Variants in NCOA3 observed in about 807,000 individuals in gnomAD.
NCOA3 encodes the protein CBP-interacting protein.
A neutral mutation model predicts 158.8 loss-of-function variants in NCOA3; 51 were observed. That is an observed-to-expected ratio of 0.32 (90% CI 0.26 to 0.41). The LOEUF is 0.41. NCOA3 is among the 10% of genes least tolerant of loss of function. The pLI is 1.00. For missense variants in NCOA3, 1,510 were observed against 1,746.6 expected, an observed-to-expected ratio of 0.86 and a Z score of 2.41; for synonymous variants, 537 against 592.4, an observed-to-expected ratio of 0.91 and a Z score of 1.36.
chr20:47,621,006 T>A (rs1402199129), intron 2 of NCOA3, among the ~76,000 whole-genome samples: 2 of 152,238 alleles, frequency 1.3e-5, no homozygotes, highest in Non-Finnish European at 2.9e-5. Flanking sequence ...CTAATAATAG[T>A]GAGCCACTAC....
At chr20:47,512,751 C>T (rs980311740) in intron 1 of NCOA3, among the ~76,000 whole-genome samples, 3 of 152,122 alleles carry the variant, frequency 2.0e-5, no homozygotes, top group African/African-American at 4.8e-5. Context: ...CTGACCATAC[C>T]GTTTGTTGGT....
chr20:47,545,900 T>C (rs1457392898), intron 1 of NCOA3, among the ~76,000 whole-genome samples: 1 of 151,840 alleles, frequency 6.6e-6, no homozygotes, highest in Non-Finnish European at 1.5e-5. Context: ...TTTTTTATAG[T>C]GATGGGGTTT....
chr20:47,504,047 T>C (rs900248093), intron 1 of NCOA3, among the ~76,000 whole-genome samples: 4 of 152,214 alleles, frequency 2.6e-5, no homozygotes, highest in African/African-American at 7.2e-5. Flanking sequence ...ATTTCTGCCA[T>C]AAGATATTTA....
In NCOA3 at chr20:47,634,181, C is replaced by A. The variant is rs755006930; in HGVS notation, c.1098C>A (p.Thr366=). 3.8e-5 allele frequency: 61 copies of A among 1,613,760 alleles called. No individual in the cohort carries two copies. The highest frequency in any genetic ancestry group is 4.8e-5 in the Non-Finnish European group (57 of 1,179,908). Residue 366 remains threonine (T), a synonymous_variant, in exon 10 of 23, where the codon ACC becomes ACA. Coordinates refer to ENST00000371998, the MANE Select transcript of NCOA3 (RefSeq NM_181659.3). ...ATGATCGACATGGCTTTGTCTCAAC[C>A]CACTTCCTTCAGAGGTAATGATAGA... The part of the protein sequence containing the change: ...VTNDRHGFVS[T]HFLQREQNGY...
chr20:47,637,877 G>T, intron 13 of NCOA3, 94 bp downstream of exon 13: 1 of 1,128,876 alleles, frequency 8.9e-7, no homozygotes. Context: ...GATATAAATA[G>T]CATTTATAAC....
At position 47,518,159 on chromosome 20, in the gene NCOA3, C is replaced by T. The variant is rs554735306; in HGVS notation, c.-99+16140C>T. On this transcript the variant is annotated intron_variant, in intron 1 of 22. Transcript: ENST00000371998. ...TCCAGGAGTTCATTACAAGTCTGGG[C>T]AACATAGGGAGACCCCGTCTCTGCC... Among the ~76,000 whole-genome samples, 14 of 151,186 alleles carry T rather than the reference C, an allele frequency of 9.3e-5. No individual in the cohort carries two copies. In the East Asian group the frequency reaches 2.7e-3, roughly 30 times the overall value.
chr20:47,638,832 CG>C (rs1038319716), intron 13 of NCOA3, among the ~76,000 whole-genome samples, 175 bp from the exon 14 acceptor site: 24 of 18,558 alleles, frequency 1.3e-3, no homozygotes, highest in African/African-American at 3.3e-3. Context: ...GGCAGGGGGG[CG>C]GGGGGTGGCG....
At chr20:47,594,664 CAAA>C (rs377014290) in intron 2 of NCOA3, among the ~76,000 whole-genome samples, 503 of 72,642 alleles carry the variant, frequency 6.9e-3, no homozygotes, top group African/African-American at 0.024. Context: ...GACTCTGTCT[CAAA>C]AAAAAAAAAA....
chr20:47,555,902 A>G (rs1034331455), intron 1 of NCOA3, among the ~76,000 whole-genome samples: 7 of 150,592 alleles, frequency 4.6e-5, no homozygotes, highest in African/African-American at 1.7e-4. Context: ...TCGGCCTCCC[A>G]AAGTGCTGGG....
chr20:47,511,878 T>TG, intron 1 of NCOA3, among the ~76,000 whole-genome samples: 1 of 151,306 alleles, frequency 6.6e-6, no homozygotes, highest in East Asian at 1.9e-4. Context: ...CTAGGAAGGG[T>TG]GAGGAGGGGG....
chr20:47,638,612 G>A (rs567197129), intron 13 of NCOA3, among the ~76,000 whole-genome samples: 35 of 152,274 alleles, frequency 2.3e-4, no homozygotes, highest in Non-Finnish European at 4.0e-4. Context: ...AACTTATCTG[G>A]TTAAGTTGAT....
intron 18 of NCOA3, 107 bp downstream of exon 18, chr20:47,647,473 ATTCTTT>A (rs2086708506): frequency 1.9e-6 from 2 of 1,081,050 alleles, no homozygotes; most frequent in East Asian, 5.0e-5. Context: ...AACTAAAGAA[ATTCTTT>A]TTGTTTTACT....
At chr20:47,507,117 A>C (rs1000525353) in intron 1 of NCOA3, among the ~76,000 whole-genome samples, 1 of 152,240 alleles carries the variant, frequency 6.6e-6, no homozygotes, top group African/African-American at 2.4e-5. Context: ...CATAATCCTC[A>C]ATTAGGATAA....
chr20:47,624,521 G>T (rs1338157756), intron 4 of NCOA3, among the ~76,000 whole-genome samples: 1 of 152,122 alleles, frequency 6.6e-6, no homozygotes, highest in Non-Finnish European at 1.5e-5. Flanking sequence ...GAGTGATGGG[G>T]AGGGGCTGTT....
At position 47,593,607 on chromosome 20, in the gene NCOA3, C is replaced by T. The variant is rs539847820; in HGVS notation, c.-20+10346C>T. Among the ~76,000 whole-genome samples, 12 of 151,888 alleles carry T rather than the reference C, an allele frequency of 7.9e-5. No homozygotes were observed. In the East Asian group the frequency reaches 1.9e-3, roughly 25 times the overall value. On this transcript the variant is annotated intron_variant, in intron 2 of 22. Coordinates refer to ENST00000371998, the MANE Select transcript of NCOA3 (RefSeq NM_181659.3). ...ATCCGCCTGCCTCGGCCTCCCAAAG[C>T]GCTAGGATTACAGACGTGAGCCACT...
In NCOA3 at chr20:47,655,773, CAAAA is replaced by C. The variant is rs72646214; in HGVS notation, c.*2363_*2366del. ...TTGACTTTAAAAAAATTATTAAAAA[CAAAA>C]AAAAAATAAATTTTTTTGCAATCCT... is the stretch of plus-strand genomic sequence containing the variant. On this transcript the variant is annotated 3_prime_UTR_variant, in exon 23 of 23. Coordinates refer to ENST00000371998, the MANE Select transcript of NCOA3 (RefSeq NM_181659.3). The C allele has an allele frequency of 1.3e-5, 2 of 148,228 alleles. No individual in the cohort carries two copies. Among genetic ancestry groups the C allele is most frequent in the Non-Finnish European group, 3.0e-5 (2 of 66,762 alleles). The allele number at this position is 148,228 out of a possible 1,614,324, so 9.2% of individuals were successfully genotyped here.
intron 2 of NCOA3, among the ~76,000 whole-genome samples, chr20:47,596,726 C>T (rs1295695192): frequency 6.6e-6 from 1 of 152,108 alleles, no homozygotes; most frequent in Non-Finnish European, 1.5e-5. Flanking sequence ...GCTGGGACTA[C>T]AGGCGCTTGC....
intron 8 of NCOA3, chr20:47,630,361 C>G (rs2086392989): frequency 6.6e-6 from 1 of 151,630 alleles, no homozygotes; most frequent in Non-Finnish European, 1.5e-5. Context: ...TTACCTTTCA[C>G]TATGAAGCCC....
chr20:47,512,346 GGATCGT>G (rs961081180), intron 1 of NCOA3, among the ~76,000 whole-genome samples: 25 of 151,910 alleles, frequency 1.6e-4, no homozygotes, highest in African/African-American at 5.8e-4. Flanking sequence ...TGAGGCGGGC[GGATCGT>G]GAGGTCAAGA....
Sources: allele counts gnomAD v4.1 joint callset (sites outside exome capture counted in the v4.1 genomes callset), GRCh38; gene constraint gnomAD v4.1.1; transcripts MANE v1.5; gene names NCBI Gene and HGNC (gene_info 2026-07-23, HGNC 2026-07-21).